MAP2K5: variants seen among roughly 807,000 people sequenced by gnomAD.
MAP2K5 encodes the protein dual specificity mitogen-activated protein kinase kinase 5.
A neutral mutation model predicts 83.1 loss-of-function variants in MAP2K5; 49 were observed. That is an observed-to-expected ratio of 0.59 (90% CI 0.47 to 0.75). The LOEUF is 0.75. Among genes scored for constraint, MAP2K5 ranks in the 30% least tolerant of loss-of-function variants. The pLI is 0.00. For synonymous variants in MAP2K5, 202 were observed against 191.8 expected, an observed-to-expected ratio of 1.05 and a Z score of -0.44; for missense variants, 457 against 557.5, an observed-to-expected ratio of 0.82 and a Z score of 1.82.
rs112561988 is a variant in MAP2K5 at position 67,636,150 on chromosome 15, T to C, written c.585+5223T>C. Among the ~76,000 whole-genome samples, 635 of 152,248 alleles carry C rather than the reference T, an allele frequency of 4.2e-3. 6 individuals carry two copies. The highest frequency in any genetic ancestry group is 0.015 in the African/African-American group (607 of 41,566). On this transcript the variant is annotated intron_variant, in intron 9 of 21. Transcript: ENST00000178640. This position sits in a 1 kb window ranked among gnomAD's most constrained non-coding sequence, Gnocchi z 4.7. ...TGAAATGACCGGGCGCCGTGGCTCA[T>C]GCCTGTAATCCCAGCACTTTGAAAG... is the stretch of plus-strand genomic sequence containing the variant.
At chr15:67,705,499 C>A (rs112046190) in intron 16 of MAP2K5, among the ~76,000 whole-genome samples, 54 of 152,256 alleles carry the variant, frequency 3.5e-4, no homozygotes, top group African/African-American at 1.3e-3. Flanking sequence ...CTTTGGGAGG[C>A]TGAGGTGGGC....
rs2090552364 is a variant in MAP2K5, at chr15:67,793,457, C to T, written c.1243-13189C>T. ...TTTTGCTAGTAGATGTCATTTCTTG[C>T]TGCTGTTCTTGTTCCTCCCTTTAAC... is the stretch of plus-strand genomic sequence containing the variant. On this transcript the variant is annotated intron_variant, in intron 21 of 21. Coordinates refer to ENST00000178640, the MANE Select transcript of MAP2K5 (RefSeq NM_145160.3). This position sits in a 1 kb window ranked among gnomAD's most constrained non-coding sequence, Gnocchi z 4.6. 6.6e-6 allele frequency among the ~76,000 whole-genome samples: 1 copy of T among 152,160 alleles called. No homozygotes were observed. The highest frequency in any genetic ancestry group is 2.4e-5 in the African/African-American group (1 of 41,432).
At chr15:67,752,685 A>AG (rs1460504335) in intron 19 of MAP2K5, among the ~76,000 whole-genome samples, 4 of 151,914 alleles carry the variant, frequency 2.6e-5, no homozygotes, top group African/African-American at 7.2e-5. Flanking sequence ...CTCAAAAAAA[A>AG]AAAAAGAAAA....
At chr15:67,642,460 G>T in intron 9 of MAP2K5, 1 of 1,609,734 alleles carries the variant, frequency 6.2e-7, no homozygotes, top group Non-Finnish European at 8.5e-7. Context: ...CATATTGAGG[G>T]CCAGAGCTAG....
At chr15:67,691,962 G>A (rs535932898) in intron 13 of MAP2K5, among the ~76,000 whole-genome samples, 6 of 152,230 alleles carry the variant, frequency 3.9e-5, no homozygotes, top group African/African-American at 1.4e-4. Context: ...ATGTGAAATA[G>A]CAGTACTACA....
intron 4 of MAP2K5, among the ~76,000 whole-genome samples, chr15:67,582,350 A>G (rs8042410): frequency 1 from 152,090 of 152,326 alleles, 75,927 homozygotes; most frequent in Middle Eastern, 1. Flanking sequence ...GTGAGCCACC[A>G]CGCCCAGCCA....
Position 67,766,634 on chromosome 15 carries a change from T to G in MAP2K5, c.1135-2968T>G, listed in dbSNP as rs74423105. Among the ~76,000 whole-genome samples the G allele has an allele frequency of 3.1e-3, 471 of 152,270 alleles. 2 individuals are homozygous for G. The highest frequency in any genetic ancestry group is 0.011 in the African/African-American group (456 of 41,546). ...ACTGTATGCCTCCCTCCTCACAGAT[T>G]TGAATTAGATAACAAAATAGGCAGG... On this transcript the variant is annotated intron_variant, in intron 19 of 21. Coordinates refer to ENST00000178640, the MANE Select transcript of MAP2K5 (RefSeq NM_145160.3).
At chr15:67,549,877 C>T (rs573118939) in intron 1 of MAP2K5, among the ~76,000 whole-genome samples, 157 bp from the exon 2 acceptor site, 3 of 152,290 alleles carry the variant, frequency 2.0e-5, no homozygotes, top group African/African-American at 4.8e-5. Flanking sequence ...TCTGGGTTTA[C>T]GTTGCTGGGC....
chr15:67,581,082 CT>C (rs1414984728), intron 4 of MAP2K5, among the ~76,000 whole-genome samples: 1 of 152,094 alleles, frequency 6.6e-6, no homozygotes, highest in Admixed American at 6.5e-5. Context: ...TTAAAGAACT[CT>C]TTTGGGGGTC....
intron 9 of MAP2K5, among the ~76,000 whole-genome samples, chr15:67,642,078 A>T (rs939677088): frequency 6.6e-6 from 1 of 152,208 alleles, no homozygotes; most frequent in Non-Finnish European, 1.5e-5. Flanking sequence ...AATACCAACA[A>T]TGATCAAAAC....
chr15:67,791,466 A>G (rs973240815), intron 21 of MAP2K5, among the ~76,000 whole-genome samples: 1 of 152,210 alleles, frequency 6.6e-6, no homozygotes, highest in African/African-American at 2.4e-5. Context: ...CCTTGTTTAT[A>G]AAATAGGTTA....
At chr15:67,649,511 G>A (rs1420459851) in intron 11 of MAP2K5, among the ~76,000 whole-genome samples, 2 of 151,894 alleles carry the variant, frequency 1.3e-5, no homozygotes, top group Non-Finnish European at 2.9e-5. Flanking sequence ...TTTTATATAT[G>A]GTATGAGATA....
intron 17 of MAP2K5, among the ~76,000 whole-genome samples, chr15:67,735,095 C>T (rs2089308959): frequency 6.6e-6 from 1 of 152,178 alleles, no homozygotes; most frequent in Non-Finnish European, 1.5e-5. Context: ...CACTTATACA[C>T]ATTTGCTTCT....
intron 19 of MAP2K5, among the ~76,000 whole-genome samples, chr15:67,761,514 A>G (rs1458720780): frequency 6.6e-6 from 1 of 152,234 alleles, no homozygotes; most frequent in Non-Finnish European, 1.5e-5. Flanking sequence ...TGTAGCTGGC[A>G]GTGCAGGTGG....
chr15:67,585,456 T>A (rs1251522593), intron 4 of MAP2K5, among the ~76,000 whole-genome samples: 1 of 152,210 alleles, frequency 6.6e-6, no homozygotes, highest in Non-Finnish European at 1.5e-5. Flanking sequence ...CATCGTAGAA[T>A]CCCTAGCAAT....
intron 8 of MAP2K5, among the ~76,000 whole-genome samples, chr15:67,605,441 T>A (rs911301914): frequency 5.9e-5 from 9 of 152,216 alleles, no homozygotes; most frequent in African/African-American, 2.2e-4. Context: ...ATTATACACA[T>A]TATACTTCTG....
At position 67,665,160 on chromosome 15, in the gene MAP2K5, C is replaced by A. The variant is rs1051474793; in HGVS notation, c.847+515C>A. On this transcript the variant is annotated intron_variant, in intron 13 of 21. Coordinates refer to ENST00000178640, the MANE Select transcript of MAP2K5 (RefSeq NM_145160.3). This position sits in a 1 kb window ranked among gnomAD's most constrained non-coding sequence, Gnocchi z 4.2. ...GCCTCCCAGAGTGCTAGGATTCAGGCGGGAGCCACCGCGCCTGGCCAAAAG... is the reference window on the plus strand; with the variant it reads ...GCCTCCCAGAGTGCTAGGATTCAGGAGGGAGCCACCGCGCCTGGCCAAAAG... 6.6e-6 allele frequency among the ~76,000 whole-genome samples: 1 copy of A among 152,120 alleles called. No homozygotes were observed. Among genetic ancestry groups the A allele is most frequent in the Non-Finnish European group, 1.5e-5 (1 of 68,020 alleles).
intron 16 of MAP2K5, among the ~76,000 whole-genome samples, chr15:67,711,671 GCACA>G (rs72106715): frequency 2.6e-5 from 4 of 150,996 alleles, no homozygotes; most frequent in African/African-American, 4.9e-5. Context: ...AGGCGTGCAC[GCACA>G]CACACACACA....
At chr15:67,799,122 T>C (rs1468031989) in intron 21 of MAP2K5, among the ~76,000 whole-genome samples, 2 of 152,214 alleles carry the variant, frequency 1.3e-5, no homozygotes, top group African/African-American at 4.8e-5. Context: ...TGAGCCGAGA[T>C]CGCGCCACTG....
Sources: gnomAD v4.1 joint callset for allele counts (sites outside exome capture counted in the v4.1 genomes callset) on GRCh38, gnomAD v4.1.1 for gene constraint, Gnocchi (gnomAD v3.1) non-coding constraint, MANE v1.5 for transcripts, NCBI Gene and HGNC (gene_info 2026-07-23, HGNC 2026-07-21) for gene names.